Variants in ITPR2 observed in about 807,000 individuals in gnomAD.
ITPR2 encodes the protein inositol 1,4,5-trisphosphate receptor type 2, also known as inositol 1,4,5-trisphosphate-gated calcium channel ITPR2.
In ITPR2, 207 loss-of-function variants were observed where a neutral mutation model predicts 317.1. The ratio of observed to expected loss-of-function variants is 0.65; its 90% CI spans 0.58 to 0.73. The LOEUF (loss-of-function observed/expected upper bound fraction) is 0.73. Among genes scored for constraint, ITPR2 ranks in the 30% least tolerant of loss-of-function variants. The pLI, the probability that ITPR2 is intolerant of heterozygous loss-of-function variation, is 0.00. For missense variants in ITPR2, 2,613 were observed against 3,284.0 expected (o/e 0.80, Z 4.99); for synonymous variants, 1,156 against 1,149.1 (o/e 1.01, Z -0.12).
At chr12:26,669,018 T>C (rs1233290131) in intron 13 of ITPR2, among the ~76,000 whole-genome samples, 1 of 152,126 alleles carries the variant, frequency 6.6e-6, no homozygotes, top group Non-Finnish European at 1.5e-5. Context: ...CTCAGGCAGC[T>C]GAGGCAAGAG....
At chr12:26,665,442 G>A (rs76587303) in intron 14 of ITPR2, among the ~76,000 whole-genome samples, 30,751 of 152,030 alleles carry the variant, frequency 0.2, 3,867 homozygotes, top group East Asian at 0.55. Flanking sequence ...CCTTAACTAC[G>A]GGTTAGATTT....
chr12:26,667,486 C>T (rs1947655829), intron 13 of ITPR2, among the ~76,000 whole-genome samples: 1 of 152,188 alleles, frequency 6.6e-6, no homozygotes, highest in Non-Finnish European at 1.5e-5. Flanking sequence ...GATTCACTGA[C>T]ATAGTTACGT....
chr12:26,339,624 T>G, intron 56 of ITPR2, 141 bp from the exon 57 acceptor site: 2 of 636,950 alleles, frequency 3.1e-6, no homozygotes, highest in Admixed American at 3.0e-5. Context: ...AAAAAGGGAT[T>G]TTTTTAAAAG....
At chr12:26,408,856 C>A (rs1940445245) in intron 52 of ITPR2, among the ~76,000 whole-genome samples, 1 of 151,996 alleles carries the variant, frequency 6.6e-6, no homozygotes, top group Non-Finnish European at 1.5e-5. Flanking sequence ...CATGTTGTTA[C>A]AATAAAATAT....
At chr12:26,802,580 GATATATCTAT>G (rs1565777563) in intron 1 of ITPR2, among the ~76,000 whole-genome samples, 2 of 9,230 alleles carry the variant, frequency 2.2e-4, no homozygotes, top group Non-Finnish European at 5.1e-4. Flanking sequence ...TATAGATATA[GATATATCTAT>G]ATATAGATAT....
intron 2 of ITPR2, among the ~76,000 whole-genome samples, chr12:26,737,501 C>T (rs2137075090): frequency 6.6e-6 from 1 of 152,266 alleles, no homozygotes; most frequent in South Asian, 2.1e-4. Flanking sequence ...GATCTGCCCA[C>T]CTCGGCCTCC....
chr12:26,436,456 T>C, intron 47 of ITPR2, 110 bp from the exon 48 acceptor site: 5 of 874,152 alleles, frequency 5.7e-6, no homozygotes, highest in Non-Finnish European at 8.6e-6. Context: ...TGTAAACTAT[T>C]ATAAAAACCT....
rs756393719 is a variant in ITPR2, at chr12:26,415,319, G to T, written c.7290C>A (p.Asn2430Lys). 2 of 1,601,786 alleles carry T rather than the reference G, an allele frequency of 1.2e-6. No individual in the cohort carries two copies. Among genetic ancestry groups the T allele is most frequent in the Admixed American group, 1.7e-5 (1 of 57,870 alleles). Residue 2430 changes from asparagine to lysine, a missense_variant, in exon 51 of 57, where the codon AAC becomes AAA. Coordinates refer to ENST00000381340, the MANE Select transcript of ITPR2 (RefSeq NM_002223.4). ...TAGCAATACCTGTAACAGGAGTTCG[G>T]TTTTTCAGCCTATCAACTTCCATAG... is the stretch of plus-strand genomic sequence containing the variant. The part of the protein sequence containing the change: ...DFTMEVDRLK[N>K]RTPVTGSHQV...
At position 26,436,276 on chromosome 12, in the gene ITPR2, C is replaced by A; in HGVS notation, c.6714G>T (p.Val2238=). The change falls in exon 48 of 57, where the codon GTG becomes GTT. Residue 2238 remains valine, a synonymous_variant. Coordinates refer to ENST00000381340, the MANE Select transcript of ITPR2 (RefSeq NM_002223.4). ...LWGSISFNLA[V]FINLAVALFY... The stretch of plus-strand genomic sequence containing the variant: ...AGAGAGCAACAGCTAAATTGATGAA[C>A]ACAGCCAGGTTGAAGGAAATGCTCC... The A allele has an allele frequency of 6.2e-7, 1 of 1,613,282 alleles. No homozygotes were observed. The highest frequency in any genetic ancestry group is 8.5e-7 in the Non-Finnish European group (1 of 1,179,612).
intron 55 of ITPR2, among the ~76,000 whole-genome samples, chr12:26,387,172 G>A (rs1224256315): frequency 6.6e-6 from 1 of 152,190 alleles, no homozygotes; most frequent in Non-Finnish European, 1.5e-5. Context: ...ACATAACTGA[G>A]ATGGTGCTAG....
chr12:26,502,269 C>G (rs1943088656), intron 37 of ITPR2, among the ~76,000 whole-genome samples: 1 of 152,110 alleles, frequency 6.6e-6, no homozygotes, highest in Non-Finnish European at 1.5e-5. Flanking sequence ...AATCCCTCAC[C>G]AATAGGACTT....
chr12:26,823,021 G>A (rs1324589570), intron 1 of ITPR2, among the ~76,000 whole-genome samples: 1 of 152,050 alleles, frequency 6.6e-6, no homozygotes, highest in East Asian at 1.9e-4. Flanking sequence ...ATAGATTTGA[G>A]ACAAATATTC....
intron 2 of ITPR2, among the ~76,000 whole-genome samples, chr12:26,782,208 G>A (rs1950110335): frequency 1.3e-5 from 2 of 151,642 alleles, no homozygotes; most frequent in Admixed American, 1.3e-4. Context: ...AACAGAGGTT[G>A]CAAGTGTGGC....
At chr12:26,460,618 C>T (rs538485194) in intron 45 of ITPR2, among the ~76,000 whole-genome samples, 1 of 152,222 alleles carries the variant, frequency 6.6e-6, no homozygotes, top group South Asian at 2.1e-4. Context: ...AAGTCTGGAG[C>T]AGCTTTTTTT....
At chr12:26,777,620 G>A (rs1949997928) in intron 2 of ITPR2, among the ~76,000 whole-genome samples, 1 of 152,166 alleles carries the variant, frequency 6.6e-6, no homozygotes, top group Admixed American at 6.5e-5. Context: ...AAGTAAAATT[G>A]ATAAATGCAT....
intron 32 of ITPR2, among the ~76,000 whole-genome samples, chr12:26,582,208 A>T (rs1187408719): frequency 6.6e-6 from 1 of 152,172 alleles, no homozygotes; most frequent in African/African-American, 2.4e-5. Flanking sequence ...ACAGCCAAGA[A>T]ATGTAGGAAG....
rs112873907 is a variant in ITPR2, at chr12:26,794,323, T to C, written c.93-4096A>G. 3.3e-3 allele frequency among the ~76,000 whole-genome samples: 502 copies of C among 152,300 alleles called. 4 individuals are homozygous for C. The highest frequency in any genetic ancestry group is 0.012 in the African/African-American group (486 of 41,564). On this transcript the variant is annotated intron_variant, in intron 1 of 56. Coordinates refer to ENST00000381340, the MANE Select transcript of ITPR2 (RefSeq NM_002223.4). ...CATTAAATTCAAGTCCACTGATACT[T>C]TGTCAAAAATAAAGTATACTATTAA... is the stretch of plus-strand genomic sequence containing the variant.
Position 26,483,634 on chromosome 12 carries a change from A to G in ITPR2, c.6012+64T>C, listed in dbSNP as rs145986257. 3,595 of 1,192,328 alleles carry G rather than the reference A, an allele frequency of 3.0e-3. 69 individuals carry two copies. In the African/African-American group the frequency reaches 0.044, roughly 14 times the overall value. 73.9% of individuals were successfully genotyped at this position (1,192,328 alleles called of 1,614,324 possible). On this transcript the variant is annotated intron_variant, in intron 42 of 56. Transcript: ENST00000381340. ...AAGAAGAAAGATCTTTCAAGTGCAC[A>G]CAAAGATTGGCTCCTTCCCCAAATT...
chr12:26,832,822 G>A lies in ITPR2; in HGVS notation c.-41C>T. Reference sequence around the variant, plus strand: ...ACAGTGGACGTCCCTCTTCTTCCCTGCGCCCTCGCCGCCCTCTCTCCAGGG... The same window carrying A: ...ACAGTGGACGTCCCTCTTCTTCCCTACGCCCTCGCCGCCCTCTCTCCAGGG... On this transcript the variant is annotated 5_prime_UTR_variant, in exon 1 of 57. Coordinates refer to ENST00000381340, the MANE Select transcript of ITPR2 (RefSeq NM_002223.4). 1 of 1,488,096 alleles carries A rather than the reference G, an allele frequency of 6.7e-7. No homozygotes were observed. The highest frequency in any genetic ancestry group is 9.3e-7 in the Non-Finnish European group (1 of 1,075,168). The allele number at this position is 1,488,096 out of a possible 1,614,324, so 92.2% of individuals were successfully genotyped here.
Sources: gnomAD v4.1 joint callset for allele counts (sites outside exome capture counted in the v4.1 genomes callset) on GRCh38, gnomAD v4.1.1 for gene constraint, MANE v1.5 for transcripts, NCBI Gene and HGNC (gene_info 2026-07-23, HGNC 2026-07-21) for gene names.